SERGEF: variants seen among roughly 807,000 people sequenced by gnomAD.
The protein encoded by SERGEF is secretion regulating guanine nucleotide exchange factor, also known as secretion-regulating guanine nucleotide exchange factor.
In SERGEF, 51 loss-of-function variants were observed where a neutral mutation model predicts 50.0. The ratio of observed to expected loss-of-function variants is 1.02; its 90% CI spans 0.81 to 1.29. The LOEUF is 1.29. Ranked by LOEUF, SERGEF falls within the 50% of genes most tolerant of loss-of-function variation. The pLI is 0.00. For synonymous variants in SERGEF, 205 were observed against 212.4 expected, an observed-to-expected ratio of 0.97 and a Z score of 0.30; for missense variants, 521 against 557.0, an observed-to-expected ratio of 0.94 and a Z score of 0.65.
chr11:17,959,689 T>A (rs1015979671), intron 8 of SERGEF, 53 bp from the exon 9 acceptor site: 30 of 1,459,198 alleles, frequency 2.1e-5, no homozygotes, highest in Non-Finnish European at 2.6e-5. Context: ...TGTGCTCTCA[T>A]GGGTAGGCAA....
At chr11:17,817,235 T>G (rs1293799765) in intron 10 of SERGEF, among the ~76,000 whole-genome samples, 5 of 148,794 alleles carry the variant, frequency 3.4e-5, no homozygotes, top group Middle Eastern at 3.5e-3. Context: ...TTTTTTGAGA[T>G]GGAGTCTCGC....
intron 9 of SERGEF, among the ~76,000 whole-genome samples, chr11:17,940,640 C>T (rs558133481): frequency 6.6e-6 from 1 of 152,208 alleles, no homozygotes; most frequent in East Asian, 1.9e-4. Context: ...GTGGTATGAT[C>T]ATCGCTCACT....
intron 10 of SERGEF, among the ~76,000 whole-genome samples, chr11:17,847,430 G>A (rs1590153263): frequency 6.6e-6 from 1 of 152,196 alleles, no homozygotes; most frequent in East Asian, 1.9e-4. Flanking sequence ...TTGAAACACA[G>A]CATCCAATGC....
At chr11:17,906,292 A>G (rs1399563810) in intron 9 of SERGEF, among the ~76,000 whole-genome samples, 1 of 152,204 alleles carries the variant, frequency 6.6e-6, no homozygotes, top group East Asian at 1.9e-4. Context: ...CTCCTGACAA[A>G]ACCAGCTCTG....
intron 9 of SERGEF, among the ~76,000 whole-genome samples, chr11:17,937,965 AG>A (rs1852486682): frequency 6.6e-6 from 1 of 152,198 alleles, no homozygotes; most frequent in African/African-American, 2.4e-5. Context: ...GCAAGTAGTC[AG>A]TGGCCAAGAA....
chr11:17,893,324 T>A (rs1851566651), intron 9 of SERGEF, among the ~76,000 whole-genome samples: 1 of 152,258 alleles, frequency 6.6e-6, no homozygotes, highest in African/African-American at 2.4e-5. Flanking sequence ...CTGTACTTTT[T>A]GAACCTTTGC....
At chr11:17,985,966 C>T (rs550355222) in intron 8 of SERGEF, among the ~76,000 whole-genome samples, 4 of 152,210 alleles carry the variant, frequency 2.6e-5, no homozygotes, top group African/African-American at 4.8e-5. Context: ...ACCCATTAGA[C>T]GCCAATAGTG....
chr11:17,964,329 C>G (rs568022464), intron 8 of SERGEF, among the ~76,000 whole-genome samples: 1 of 151,606 alleles, frequency 6.6e-6, no homozygotes, highest in Admixed American at 6.6e-5. Context: ...ATTCAAGAGG[C>G]CAACTTCCTT....
chr11:17,926,001 A>C (rs1852242388), intron 9 of SERGEF, among the ~76,000 whole-genome samples: 1 of 152,214 alleles, frequency 6.6e-6, no homozygotes, highest in Non-Finnish European at 1.5e-5. Context: ...GCACTTTGCT[A>C]ATACCTACTC....
chr11:17,937,099 AAT>A (rs1251057031), intron 9 of SERGEF, among the ~76,000 whole-genome samples: 4 of 151,868 alleles, frequency 2.6e-5, no homozygotes, highest in African/African-American at 4.8e-5. Context: ...TTAAATGTTA[AAT>A]AGTTACTTTA....
chr11:17,943,436 C>CT (rs1164881771), intron 9 of SERGEF, among the ~76,000 whole-genome samples: 2 of 152,062 alleles, frequency 1.3e-5, no homozygotes, highest in Non-Finnish European at 2.9e-5. Flanking sequence ...ACTTTCATTT[C>CT]TAATATTTGC....
At position 17,967,974 on chromosome 11, in the gene SERGEF, G is replaced by A. The variant is rs544889989; in HGVS notation, c.845-8338C>T. The stretch of plus-strand genomic sequence containing the variant: ...TCCCTAAAGCACCCTATTATCCCCT[G>A]GTCAGAATAAGCCACCTCTTCCTTT... On this transcript the variant is annotated intron_variant, in intron 8 of 10. Coordinates refer to ENST00000265965, the MANE Select transcript of SERGEF (RefSeq NM_012139.4). Among the ~76,000 whole-genome samples the A allele has an allele frequency of 2.0e-5, 3 of 152,278 alleles. No individual in the cohort carries two copies. The South Asian group carries it at 6.2e-4, about 32-fold the overall frequency.
At chr11:18,003,235 T>C (rs1854001252) in intron 4 of SERGEF, among the ~76,000 whole-genome samples, 1 of 152,196 alleles carries the variant, frequency 6.6e-6, no homozygotes, top group South Asian at 2.1e-4. Flanking sequence ...ACAGCTTAGG[T>C]GGTAAAACTC....
chr11:17,829,795 T>G (rs6486399), intron 10 of SERGEF, among the ~76,000 whole-genome samples: 1 of 152,046 alleles, frequency 6.6e-6, no homozygotes, highest in African/African-American at 2.4e-5. Flanking sequence ...CAAAAAAGCA[T>G]TGTTTTAAGA....
chr11:17,984,453 C>G (rs907172424), intron 8 of SERGEF, among the ~76,000 whole-genome samples: 3 of 152,136 alleles, frequency 2.0e-5, no homozygotes, highest in African/African-American at 7.2e-5. Context: ...AAGGACAGTA[C>G]CAAGAAGAAT....
chr11:17,926,721 C>G, intron 9 of SERGEF: 1 of 455,960 alleles, frequency 2.2e-6, no homozygotes. Flanking sequence ...ACCGTTTCAC[C>G]AAGACCAGAG....
intron 8 of SERGEF, among the ~76,000 whole-genome samples, chr11:17,981,515 C>A (rs959815893): frequency 6.6e-6 from 1 of 152,056 alleles, no homozygotes; most frequent in African/African-American, 2.4e-5. Flanking sequence ...CAGGGCAATG[C>A]CATTAACGAA....
chr11:17,817,127 CATG>C (rs1192724538), intron 10 of SERGEF, among the ~76,000 whole-genome samples: 1 of 152,012 alleles, frequency 6.6e-6, no homozygotes, highest in East Asian at 1.9e-4. Flanking sequence ...GGAAAAAGCT[CATG>C]ATAATAATAA....
At chr11:17,997,358 A>G (rs1853857156) in intron 5 of SERGEF, among the ~76,000 whole-genome samples, 1 of 152,222 alleles carries the variant, frequency 6.6e-6, no homozygotes, top group African/African-American at 2.4e-5. Flanking sequence ...TGATGCTACT[A>G]TTTTTAAAAA....
Sources: gnomAD v4.1 joint callset for allele counts (sites outside exome capture counted in the v4.1 genomes callset) on GRCh38, gnomAD v4.1.1 for gene constraint, MANE v1.5 for transcripts, NCBI Gene and HGNC (gene_info 2026-07-23, HGNC 2026-07-21) for gene names.